Variants in SECISBP2L observed in about 807,000 individuals in gnomAD.
The protein encoded by SECISBP2L is SECIS binding protein 2 like, also known as selenocysteine insertion sequence-binding protein 2-like.
SECISBP2L carries 43 observed loss-of-function variants against 114.7 expected under a neutral mutation model. That is an observed-to-expected ratio of 0.38 (90% CI 0.29 to 0.48). The LOEUF (loss-of-function observed/expected upper bound fraction) is 0.48, where lower values mean the gene tolerates loss of function less well. Among genes scored for constraint, SECISBP2L ranks in the 20% least tolerant of loss-of-function variants. The pLI, the probability that SECISBP2L is intolerant of heterozygous loss-of-function variation, is 0.98. For synonymous variants in SECISBP2L, 451 were observed against 439.7 expected (o/e 1.03, Z -0.32); for missense variants, 1,136 against 1,301.1 (o/e 0.87, Z 1.95).
chr15:49,016,470 A>G (rs1374687458), intron 11 of SECISBP2L, 90 bp downstream of exon 11: 1 of 1,143,500 alleles, frequency 8.7e-7, no homozygotes, highest in Non-Finnish European at 1.2e-6. Context: ...ATATACACAT[A>G]CATATATAAA....
In SECISBP2L at chr15:48,989,105, A is replaced by T. The variant is rs1462082925; in HGVS notation, c.*3139T>A. ...TGATGTTCTAACCTGTTGGCCCAACATACAGAAAATACATGACAAGGGTGT... is the reference window on the plus strand; with the variant it reads ...TGATGTTCTAACCTGTTGGCCCAACTTACAGAAAATACATGACAAGGGTGT... On this transcript the variant is annotated 3_prime_UTR_variant, in exon 18 of 18. Coordinates refer to ENST00000559471, the MANE Select transcript of SECISBP2L (RefSeq NM_001193489.2). 6.7e-6 allele frequency: 1 copy of T among 149,230 alleles called. No homozygotes were observed. The highest frequency in any genetic ancestry group is 1.5e-5 in the Non-Finnish European group (1 of 67,116). The allele number at this position is 149,230 out of a possible 1,614,324, so 9.2% of individuals were successfully genotyped here. A position where few individuals can be genotyped will look rare whatever the true frequency, so the allele number is the denominator to read the frequency against.
rs61663836 is a variant in SECISBP2L, at chr15:49,010,124, G to GACACACACACACACACACACACACACAC, written c.1865-774_1865-747dup. Among the ~76,000 whole-genome samples the GACACACACACACACACACACACACACAC allele has an allele frequency of 8.2e-3, 1,142 of 138,740 alleles. 12 individuals carry two copies. Among genetic ancestry groups the GACACACACACACACACACACACACACAC allele is most frequent in the Non-Finnish European group, 0.01 (674 of 64,608 alleles). The allele number at this position is 138,740 out of a possible 152,430, so 91.0% of individuals were successfully genotyped here. On this transcript the variant is annotated intron_variant, in intron 13 of 17. Coordinates refer to ENST00000559471, the MANE Select transcript of SECISBP2L (RefSeq NM_001193489.2). Reference sequence around the variant, plus strand: ...TCCAGCCTGGGCAACAACAGAGGCAGACACACACACACACACACACACACA... The same window carrying GACACACACACACACACACACACACACAC: ...TCCAGCCTGGGCAACAACAGAGGCAGACACACACACACACACACACACACACACACACACACACACACACACACACACA...
intron 1 of SECISBP2L, among the ~76,000 whole-genome samples, chr15:49,044,452 C>G (rs1439412335): frequency 3.9e-5 from 6 of 152,110 alleles, no homozygotes; most frequent in African/African-American, 1.4e-4. Context: ...GAAGCATACT[C>G]CTTCTAGGTC....
At chr15:49,039,560 T>C (rs1903080928) in intron 1 of SECISBP2L, among the ~76,000 whole-genome samples, 1 of 150,996 alleles carries the variant, frequency 6.6e-6, no homozygotes, top group Non-Finnish European at 1.5e-5. Flanking sequence ...GGTCTCGCTC[T>C]GTCACGGGGT....
chr15:49,040,435 T>C (rs535687437), intron 1 of SECISBP2L, among the ~76,000 whole-genome samples: 2 of 152,234 alleles, frequency 1.3e-5, no homozygotes, highest in African/African-American at 4.8e-5. Context: ...AAAAGCTGTT[T>C]ATTGTGACTT....
At chr15:49,007,801 T>C (rs1022954142) in intron 14 of SECISBP2L, among the ~76,000 whole-genome samples, 1 of 152,140 alleles carries the variant, frequency 6.6e-6, no homozygotes, top group African/African-American at 2.4e-5. Context: ...TTCTCAGTCA[T>C]AAAAGTAAGG....
At chr15:49,028,844 G>A (rs991943513) in intron 4 of SECISBP2L, among the ~76,000 whole-genome samples, 162 bp from the exon 5 acceptor site, 1 of 152,142 alleles carries the variant, frequency 6.6e-6, no homozygotes, top group Non-Finnish European at 1.5e-5. Flanking sequence ...GATGTTCCTG[G>A]TAAGTTGGTT....
Position 48,992,856 on chromosome 15 carries a change from G to C in SECISBP2L, c.2694C>G (p.Ser898=), listed in dbSNP as rs776948494. ...LEASENEKEV[S]CKHSTSEKPS... is the part of the protein sequence containing the mutation. ...GTTTTTCAGAAGTGCTGTGCTTACA[G>C]GATACCTCTTTCTCATTTTCTGATG... Residue 898 remains serine, a synonymous_variant, in exon 18 of 18, where the codon TCC becomes TCG. Transcript: ENST00000559471. 6.2e-7 allele frequency: 1 copy of C among 1,614,136 alleles called. No individual in the cohort carries two copies. Among genetic ancestry groups the C allele is most frequent in the South Asian group, 1.1e-5 (1 of 91,076 alleles).
intron 1 of SECISBP2L, among the ~76,000 whole-genome samples, chr15:49,045,392 T>C (rs752797429): frequency 2.6e-5 from 4 of 152,218 alleles, no homozygotes; most frequent in African/African-American, 4.8e-5. Flanking sequence ...TCTTCCGTCA[T>C]CTAGTCATCA....
intron 3 of SECISBP2L, among the ~76,000 whole-genome samples, chr15:49,034,227 T>C (rs1237645250): frequency 6.6e-6 from 1 of 152,166 alleles, no homozygotes; most frequent in Non-Finnish European, 1.5e-5. Flanking sequence ...AAGCATCAAC[T>C]CCTTGATGAT....
At chr15:49,046,169 G>C in intron 1 of SECISBP2L, 107 bp downstream of exon 1, 2 of 1,331,188 alleles carry the variant, frequency 1.5e-6, no homozygotes, top group Non-Finnish European at 2.0e-6. Flanking sequence ...GGGGTCTGCG[G>C]CCGCAGGACC....
rs34895054 is a variant in SECISBP2L, at chr15:48,992,804, G to A, written c.2746C>T (p.Pro916Ser). 1.2e-6 allele frequency: 2 copies of A among 1,613,886 alleles called. No homozygotes were observed. Among genetic ancestry groups the A allele is most frequent in the Admixed American group, 3.3e-5 (2 of 59,974 alleles). ...ACTAATGATGGCTGCTTACCAATTGGGGGTGTGTCAAATGGAAGTTTACTG... is the reference window on the plus strand; with the variant it reads ...ACTAATGATGGCTGCTTACCAATTGAGGGTGTGTCAAATGGAAGTTTACTG... ...KPSKLPFDTPPIGKQPSLVAT... is the reference protein window; with the variant it reads ...KPSKLPFDTPSIGKQPSLVAT... The change falls in exon 18 of 18, where the codon CCA becomes TCA. Residue 916 changes from proline to serine, a missense_variant. Physicochemically the swap from Pro to Ser is moderately conservative, Grantham distance 74. Around this residue, in one of 2 missense-constraint regions of SECISBP2L, gnomAD observed 684 missense variants for 848.7 expected, o/e 0.81. Coordinates refer to ENST00000559471, the MANE Select transcript of SECISBP2L (RefSeq NM_001193489.2).
intron 11 of SECISBP2L, 91 bp downstream of exon 11, chr15:49,016,453 CACATATATATACACAT>C: frequency 4.3e-6 from 4 of 924,422 alleles, no homozygotes; most frequent in Non-Finnish European, 4.7e-6. Context: ...CACACACACA[CACATATATATACACAT>C]ACATATATAA....
rs894250663 is a variant in SECISBP2L, at chr15:48,989,122, C to G, written c.*3122G>C. On this transcript the variant is annotated 3_prime_UTR_variant, in exon 18 of 18. Transcript: ENST00000559471. ...GGCCCAACATACAGAAAATACATGA[C>G]AAGGGTGTTTTTTTTTTTTAAGCAA... 4.2e-5 allele frequency: 5 copies of G among 118,670 alleles called. No individual in the cohort carries two copies. Among genetic ancestry groups the G allele is most frequent in the Non-Finnish European group, 9.9e-5 (5 of 50,508 alleles). 7.4% of individuals were successfully genotyped at this position (118,670 alleles called of 1,614,324 possible). A position where few individuals can be genotyped will look rare whatever the true frequency, so the allele number is the denominator to read the frequency against.
intron 4 of SECISBP2L, among the ~76,000 whole-genome samples, chr15:49,029,131 GGCAT>G (rs1902829715): frequency 1.3e-5 from 2 of 152,274 alleles, no homozygotes; most frequent in South Asian, 4.2e-4. Context: ...TGGGATTACA[GGCAT>G]GAGCTACCTC....
chr15:49,019,618 T>A, intron 7 of SECISBP2L, 66 bp from the exon 8 acceptor site: 1 of 1,264,762 alleles, frequency 7.9e-7, no homozygotes, highest in South Asian at 2.5e-5. Context: ...CTCAAATATA[T>A]AACATACTGG....
At chr15:49,024,684 T>C (rs1330375199) in intron 7 of SECISBP2L, among the ~76,000 whole-genome samples, 2 of 152,284 alleles carry the variant, frequency 1.3e-5, no homozygotes, top group African/African-American at 4.8e-5. Context: ...CAGGTCAATA[T>C]TTATTTGATT....
intron 14 of SECISBP2L, among the ~76,000 whole-genome samples, chr15:49,007,984 T>C (rs1331450338): frequency 1.3e-5 from 2 of 152,186 alleles, no homozygotes; most frequent in African/African-American, 4.8e-5. Context: ...TGTATGACTA[T>C]AGTGTGAGAC....
At chr15:49,010,419 T>C (rs967935747) in intron 13 of SECISBP2L, among the ~76,000 whole-genome samples, 2 of 152,200 alleles carry the variant, frequency 1.3e-5, no homozygotes, top group Admixed American at 6.5e-5. Context: ...TTATTGCCTC[T>C]TTCCTAAACA....
Sources: gnomAD v4.1 joint callset for allele counts (sites outside exome capture counted in the v4.1 genomes callset) on GRCh38, gnomAD v4.1.1 for gene constraint, gnomAD v4.1.1 regional missense constraint, MANE v1.5 for transcripts, NCBI Gene and HGNC (gene_info 2026-07-23, HGNC 2026-07-21) for gene names.